GHR: variants seen among roughly 807,000 people sequenced by gnomAD.
The protein encoded by GHR is growth hormone receptor, also known as GH receptor.
A neutral mutation model predicts 67.1 loss-of-function variants in GHR; 35 were observed. The ratio of observed to expected loss-of-function variants is 0.52; its 90% CI spans 0.40 to 0.69. The LOEUF is 0.69. Among genes scored for constraint, GHR ranks in the 30% least tolerant of loss-of-function variants. The pLI is 0.00. For missense variants in GHR, 792 were observed against 764.6 expected, an observed-to-expected ratio of 1.04 and a Z score of -0.42; for synonymous variants, 272 against 269.1, an observed-to-expected ratio of 1.01 and a Z score of -0.10.
chr5:42,519,849 GT>G lies in GHR; in HGVS notation c.-11-46014del, dbSNP rs549599801. Among the ~76,000 whole-genome samples, 76 of 152,242 alleles carry G rather than the reference GT, an allele frequency of 5.0e-4. 1 individual carries two copies. In the South Asian group the frequency reaches 0.015, roughly 31 times the overall value. ...TGCTCAGCAGGGTATGACACATGTA[GT>G]AAAAACTGATTGTTGAATGAATTAA... On this transcript the variant is annotated intron_variant, in intron 1 of 9. Transcript: ENST00000230882.
In GHR at chr5:42,710,182, T is replaced by C. The variant is rs190047830; in HGVS notation, c.619-1025T>C. On this transcript the variant is annotated intron_variant, in intron 6 of 9. Transcript: ENST00000230882. ...AAAAATACAAACAAACCCTGTCATA[T>C]ACACATGAGGCAAAAAAAGATACTT... 1.6e-4 allele frequency among the ~76,000 whole-genome samples: 25 copies of C among 152,120 alleles called. No individual in the cohort carries two copies. In the East Asian group the frequency reaches 2.8e-3, roughly 17 times the overall value.
intron 3 of GHR, among the ~76,000 whole-genome samples, chr5:42,670,762 C>A (rs1313629550): frequency 2.0e-5 from 3 of 151,078 alleles, no homozygotes; most frequent in Non-Finnish European, 2.9e-5. Flanking sequence ...GTGCAGTGCA[C>A]CAGCATGGCA....
chr5:42,600,918 CTTT>C (rs933355797), intron 2 of GHR, among the ~76,000 whole-genome samples: 7 of 66,692 alleles, frequency 1.0e-4, no homozygotes, highest in African/African-American at 4.4e-4. Flanking sequence ...TCTTTCTATT[CTTT>C]TTTTTTTTTT....
chr5:42,705,692 A>G (rs193220024), intron 6 of GHR, among the ~76,000 whole-genome samples: 2 of 152,230 alleles, frequency 1.3e-5, no homozygotes, highest in East Asian at 3.9e-4. Flanking sequence ...TGCTTAGCAT[A>G]ATGGCCTCCA....
At chr5:42,482,454 T>G (rs542253661) in intron 1 of GHR, among the ~76,000 whole-genome samples, 36 of 152,304 alleles carry the variant, frequency 2.4e-4, no homozygotes, top group Admixed American at 4.6e-4. Context: ...GCTGTCTTTT[T>G]GTTTGTCTGT....
At chr5:42,472,320 A>G (rs1745050106) in intron 1 of GHR, among the ~76,000 whole-genome samples, 1 of 152,250 alleles carries the variant, frequency 6.6e-6, no homozygotes, top group African/African-American at 2.4e-5. Flanking sequence ...TGAGCCAAGC[A>G]TTTGACACAG....
At chr5:42,702,740 A>C (rs760956741) in intron 6 of GHR, among the ~76,000 whole-genome samples, 1 of 151,948 alleles carries the variant, frequency 6.6e-6, no homozygotes, top group Non-Finnish European at 1.5e-5. Context: ...TAGCCATCCT[A>C]ACATCTTTGT....
At chr5:42,642,739 ATT>A (rs1440188156) in intron 3 of GHR, among the ~76,000 whole-genome samples, 1 of 152,150 alleles carries the variant, frequency 6.6e-6, no homozygotes, top group Non-Finnish European at 1.5e-5. Flanking sequence ...AGAGAAATGT[ATT>A]CTGTCACAGT....
intron 6 of GHR, among the ~76,000 whole-genome samples, chr5:42,708,389 A>G (rs1018132261): frequency 2.0e-5 from 3 of 152,182 alleles, no homozygotes; most frequent in Admixed American, 6.6e-5. Context: ...CAAAAATGTA[A>G]AACAGTATCA....
chr5:42,661,301 G>T (rs1478298243), intron 3 of GHR, among the ~76,000 whole-genome samples: 2 of 152,156 alleles, frequency 1.3e-5, no homozygotes, highest in African/African-American at 4.8e-5. Context: ...ACACATAATT[G>T]TCAGATTCAC....
intron 3 of GHR, among the ~76,000 whole-genome samples, chr5:42,661,884 G>A (rs2112866427): frequency 6.6e-6 from 1 of 152,234 alleles, no homozygotes. Context: ...GACACACACA[G>A]GCTCAAAACA....
At chr5:42,608,421 CT>C (rs1452898176) in intron 2 of GHR, among the ~76,000 whole-genome samples, 1 of 151,662 alleles carries the variant, frequency 6.6e-6, no homozygotes, top group Non-Finnish European at 1.5e-5. Context: ...TTAGTAACCC[CT>C]AACTACTTTT....
intron 3 of GHR, among the ~76,000 whole-genome samples, chr5:42,648,071 G>A (rs1446946286): frequency 2.0e-5 from 3 of 152,098 alleles, no homozygotes; most frequent in African/African-American, 7.2e-5. Flanking sequence ...GAAACATAAA[G>A]AAGTAAAAAG....
intron 1 of GHR, among the ~76,000 whole-genome samples, chr5:42,529,291 G>T (rs1433094564): frequency 6.6e-6 from 1 of 152,116 alleles, no homozygotes; most frequent in Non-Finnish European, 1.5e-5. Context: ...TATTACAGGT[G>T]TGAGCCACCG....
At position 42,456,540 on chromosome 5, in the gene GHR, C is replaced by T. The variant is rs577589041; in HGVS notation, c.-12+32585C>T. Among the ~76,000 whole-genome samples the T allele has an allele frequency of 5.9e-5, 9 of 152,156 alleles. No homozygotes were observed. In the East Asian group the frequency reaches 7.7e-4, roughly 13 times the overall value. On this transcript the variant is annotated intron_variant, in intron 1 of 9. Coordinates refer to ENST00000230882, the MANE Select transcript of GHR (RefSeq NM_000163.5). ...ACCAACATAGAAAAAAAAAGGTTTC[C>T]GGCTTCTCTTGAAAAATGGAAATAT...
intron 1 of GHR, among the ~76,000 whole-genome samples, chr5:42,558,687 C>T (rs1441008574): frequency 6.6e-6 from 1 of 152,166 alleles, no homozygotes; most frequent in Non-Finnish European, 1.5e-5. Context: ...AATAGGCTAT[C>T]CCATATAGCC....
intron 1 of GHR, among the ~76,000 whole-genome samples, chr5:42,429,115 T>C (rs903325649): frequency 6.6e-6 from 1 of 152,076 alleles, no homozygotes; most frequent in Non-Finnish European, 1.5e-5. Flanking sequence ...ATAAAGAAAA[T>C]TAGGTTTAAT....
chr5:42,618,892 C>A (rs1753301442), intron 2 of GHR, among the ~76,000 whole-genome samples: 1 of 152,010 alleles, frequency 6.6e-6, no homozygotes, highest in Admixed American at 6.6e-5. Flanking sequence ...AGAAATGAAC[C>A]CTGGGGCCAG....
chr5:42,465,692 C>CGA (rs1744697020), intron 1 of GHR: 1 of 854,398 alleles, frequency 1.2e-6, no homozygotes, highest in African/African-American at 1.7e-5. Flanking sequence ...CTTCAGGCCA[C>CGA]TGTAATGTGA....
Sources: allele counts gnomAD v4.1 joint callset (sites outside exome capture counted in the v4.1 genomes callset), GRCh38; gene constraint gnomAD v4.1.1; transcripts MANE v1.5; gene names NCBI Gene and HGNC (gene_info 2026-07-23, HGNC 2026-07-21).